MET: variants seen among roughly 807,000 people sequenced by gnomAD.
MET encodes the protein MET proto-oncogene, receptor tyrosine kinase.
A neutral mutation model predicts 133.1 loss-of-function variants in MET; 48 were observed. That is an observed-to-expected ratio of 0.36 (90% CI 0.29 to 0.46). The LOEUF (loss-of-function observed/expected upper bound fraction) is 0.46. Among genes scored for constraint, MET ranks in the 20% least tolerant of loss-of-function variants. The pLI is 1.00. For missense variants in MET, 1,442 were observed against 1,695.9 expected (o/e 0.85, Z 2.63); for synonymous variants, 628 against 616.5 (o/e 1.02, Z -0.28).
chr7:116,785,013 A>G (rs766228630), intron 19 of MET, among the ~76,000 whole-genome samples: 11 of 152,236 alleles, frequency 7.2e-5, no homozygotes, highest in African/African-American at 7.2e-5. Context: ...GGCCCTACAC[A>G]AGTCCGAGGC....
At chr7:116,697,243 G>A (rs957364729) in intron 1 of MET, among the ~76,000 whole-genome samples, 1 of 151,854 alleles carries the variant, frequency 6.6e-6, no homozygotes, top group African/African-American at 2.4e-5. Flanking sequence ...GATATATTAG[G>A]GTATCAAATC....
At chr7:116,727,775 A>G (rs1792851219) in intron 2 of MET, among the ~76,000 whole-genome samples, 1 of 152,214 alleles carries the variant, frequency 6.6e-6, no homozygotes, top group Admixed American at 6.5e-5. Context: ...CACTGTGTCT[A>G]CAGTGCTGAG....
At chr7:116,738,584 G>A (rs762464302) in intron 3 of MET, among the ~76,000 whole-genome samples, 3 of 152,034 alleles carry the variant, frequency 2.0e-5, no homozygotes, top group African/African-American at 4.8e-5. Flanking sequence ...TTTTGAAAGC[G>A]TTGAGTGTTT....
In MET at chr7:116,771,617, G is replaced by A. The variant is rs750858911; in HGVS notation, c.2850G>A (p.Gly950=). 1 of 1,613,836 alleles carries A rather than the reference G, an allele frequency of 6.2e-7. No homozygotes were observed. The highest frequency in any genetic ancestry group is 1.7e-5 in the Admixed American group (1 of 60,006). ...CAACAGCACTGTTATTACTACTTGGGTTTTTCCTGTGGCTGAAAAAGAGAA... is the reference window on the plus strand; with the variant it reads ...CAACAGCACTGTTATTACTACTTGGATTTTTCCTGTGGCTGAAAAAGAGAA... ...SISTALLLLL[G]FFLWLKKRKQ... The change falls in exon 13 of 21, where the codon GGG becomes GGA. Residue 950 remains glycine (G), a synonymous_variant. Coordinates refer to ENST00000397752, the MANE Select transcript of MET (RefSeq NM_000245.4).
chr7:116,792,209 T>C (rs180832548), intron 19 of MET, among the ~76,000 whole-genome samples: 54 of 152,308 alleles, frequency 3.5e-4, no homozygotes, highest in African/African-American at 1.2e-3. Context: ...TCTATCACTT[T>C]TCATAGCTTA....
At chr7:116,769,206 A>G (rs753889604) in intron 11 of MET, among the ~76,000 whole-genome samples, 1 of 152,232 alleles carries the variant, frequency 6.6e-6, no homozygotes, top group Non-Finnish European at 1.5e-5. Flanking sequence ...AGTATTTTTT[A>G]AAGTTTTCAC....
Position 116,787,047 on chromosome 7 carries a change from A to G in MET, c.3798+3578A>G, listed in dbSNP as rs1214864480. Among the ~76,000 whole-genome samples the G allele has an allele frequency of 2.0e-5, 3 of 152,218 alleles. No individual in the cohort carries two copies. In the South Asian group the frequency reaches 6.2e-4, roughly 32 times the overall value. ...ACGAGGTGACTGGGAGTTTGTTTTC[A>G]ATGAGTAAGTAGGTCATAGGTCATG... On this transcript the variant is annotated intron_variant, in intron 19 of 20. Transcript: ENST00000397752.
intron 2 of MET, among the ~76,000 whole-genome samples, chr7:116,723,877 T>C (rs1245240891): frequency 1.3e-5 from 2 of 152,226 alleles, no homozygotes; most frequent in African/African-American, 4.8e-5. Flanking sequence ...GAACCACTGC[T>C]CTCTTCAAAG....
intron 11 of MET, 96 bp downstream of exon 11, chr7:116,763,364 C>G (rs745448709): frequency 1.2e-5 from 13 of 1,064,652 alleles, no homozygotes; most frequent in Non-Finnish European, 1.9e-5. Flanking sequence ...GCCATTGTAT[C>G]TTATACAACA....
rs2117029288 is a variant in MET at position 116,774,870 on chromosome 7, T to A, written c.3029-11T>A. Reference sequence around the variant, plus strand: ...ACTGTTGTTCTTTAATAATTTTCCTTCATCTTACAGATCAGTTTCCTAATT... The same window carrying A: ...ACTGTTGTTCTTTAATAATTTTCCTACATCTTACAGATCAGTTTCCTAATT... On this transcript the variant is annotated splice_polypyrimidine_tract_variant and intron_variant, in intron 14 of 20. Coordinates refer to ENST00000397752, the MANE Select transcript of MET (RefSeq NM_000245.4). 6.2e-7 allele frequency: 1 copy of A among 1,610,554 alleles called. No individual in the cohort carries two copies. The highest frequency in any genetic ancestry group is 8.5e-7 in the Non-Finnish European group (1 of 1,176,984).
chr7:116,786,621 G>A (rs190056562), intron 19 of MET, among the ~76,000 whole-genome samples: 172 of 152,278 alleles, frequency 1.1e-3, no homozygotes, highest in Middle Eastern at 3.4e-3. Flanking sequence ...GGTCTAGAGT[G>A]TGCTTAGGAG....
chr7:116,708,775 A>G (rs1221330236), intron 2 of MET, among the ~76,000 whole-genome samples: 1 of 151,996 alleles, frequency 6.6e-6, no homozygotes, highest in African/African-American at 2.4e-5. Context: ...TCTTCCTTCT[A>G]TGGCCAACCC....
At chr7:116,684,048 C>T (rs1328178605) in intron 1 of MET, among the ~76,000 whole-genome samples, 10 of 152,198 alleles carry the variant, frequency 6.6e-5, no homozygotes, top group Admixed American at 2.6e-4. Context: ...ACCTTACAGA[C>T]TCCACCACTT....
rs556824187 is a variant in MET, at chr7:116,790,561, C to T, written c.3799-5094C>T. ...ACCTCTTGGCTATTATGAATAGTGC[C>T]GCAGTGGCCATGGATGTAAAAATTC... On this transcript the variant is annotated intron_variant, in intron 19 of 20. Coordinates refer to ENST00000397752, the MANE Select transcript of MET (RefSeq NM_000245.4). 4.6e-5 allele frequency among the ~76,000 whole-genome samples: 7 copies of T among 152,092 alleles called. No individual in the cohort carries two copies. In the South Asian group the frequency reaches 1.0e-3, roughly 23 times the overall value.
At chr7:116,722,773 T>A (rs1200681030) in intron 2 of MET, among the ~76,000 whole-genome samples, 1 of 152,068 alleles carries the variant, frequency 6.6e-6, no homozygotes, top group Non-Finnish European at 1.5e-5. Flanking sequence ...AATTCTGGGT[T>A]GAAAATTCTT....
At chr7:116,752,525 A>G (rs1224476144) in intron 5 of MET, among the ~76,000 whole-genome samples, 1 of 152,188 alleles carries the variant, frequency 6.6e-6, no homozygotes, top group Non-Finnish European at 1.5e-5. Flanking sequence ...GGTCTATCCA[A>G]GGGTGTGTAG....
intron 1 of MET, among the ~76,000 whole-genome samples, chr7:116,674,005 A>G (rs1259168791): frequency 6.6e-6 from 1 of 152,248 alleles, no homozygotes; most frequent in African/African-American, 2.4e-5. Flanking sequence ...CTGATAGCCT[A>G]TAAAATGTAC....
At chr7:116,687,606 T>A (rs945211485) in intron 1 of MET, among the ~76,000 whole-genome samples, 1 of 152,202 alleles carries the variant, frequency 6.6e-6, no homozygotes, top group Non-Finnish European at 1.5e-5. Flanking sequence ...TTCTAACAAT[T>A]CTTGTCTACT....
chr7:116,772,095 A>G (rs2116999789), intron 14 of MET, 106 bp downstream of exon 14: 3 of 1,296,426 alleles, frequency 2.3e-6, no homozygotes, highest in Non-Finnish European at 2.2e-6. Flanking sequence ...ATAAAAACCT[A>G]AAGGAAGTAT....
Sources: allele counts gnomAD v4.1 joint callset (sites outside exome capture counted in the v4.1 genomes callset), GRCh38; gene constraint gnomAD v4.1.1; transcripts MANE v1.5; gene names NCBI Gene and HGNC (gene_info 2026-07-23, HGNC 2026-07-21).